Variants in COLEC11 observed in about 807,000 individuals in gnomAD.
COLEC11 encodes collectin-11.
In COLEC11, 20 loss-of-function variants were observed where a neutral mutation model predicts 27.3. The observed-to-expected ratio is 0.73, with a 90% CI of 0.51 to 1.06. The LOEUF (loss-of-function observed/expected upper bound fraction) is 1.06. COLEC11 is among the 50% of genes least tolerant of loss of function. The pLI is 0.00. For synonymous variants in COLEC11, 163 were observed against 154.7 expected (o/e 1.05, Z -0.40); for missense variants, 310 against 383.0 (o/e 0.81, Z 1.59).
chr2:3,629,415 A>C (rs1664805550), intron 3 of COLEC11, among the ~76,000 whole-genome samples: 1 of 152,338 alleles, frequency 6.6e-6, no homozygotes, highest in Non-Finnish European at 1.5e-5. Context: ...TGGGGTTCTC[A>C]GTTTAAGCCT....
intron 3 of COLEC11, among the ~76,000 whole-genome samples, chr2:3,615,130 A>AT (rs60824632): frequency 0.22 from 17,864 of 80,046 alleles, 2,158 homozygotes; most frequent in African/African-American, 0.38. Flanking sequence ...AAGGGATTTT[A>AT]TTTATTTATT....
intron 1 of COLEC11, among the ~76,000 whole-genome samples, chr2:3,595,369 C>G (rs867040779): frequency 6.6e-6 from 1 of 152,186 alleles, no homozygotes; most frequent in Non-Finnish European, 1.5e-5. Context: ...TAGTTCATGG[C>G]GGAAATTCGT....
intron 5 of COLEC11, 40 bp from the exon 6 acceptor site, chr2:3,643,404 C>T (rs770840267): frequency 6.6e-7 from 1 of 1,526,148 alleles, no homozygotes; most frequent in Non-Finnish European, 9.1e-7. Flanking sequence ...AGTCCGAGTC[C>T]TCATCCAGCG....
chr2:3,631,652 C>T (rs926132319), intron 3 of COLEC11, among the ~76,000 whole-genome samples: 3 of 152,168 alleles, frequency 2.0e-5, no homozygotes. Context: ...TATGCTTGGT[C>T]ACGGCTGACA....
chr2:3,620,405 C>T (rs1370766406), intron 3 of COLEC11, among the ~76,000 whole-genome samples: 3 of 151,934 alleles, frequency 2.0e-5, no homozygotes, highest in Non-Finnish European at 2.9e-5. Context: ...GTAATTTCTC[C>T]ATTGCATTTC....
rs758863458 is a variant in COLEC11 at position 3,644,013 on chromosome 2, C to T, written c.711C>T (p.Tyr237=). ...GCAGCGGTGAGCCCAACAATGCCTA[C>T]GACGAGGAGGACTGCGTGGAGATGG... is the stretch of plus-strand genomic sequence containing the variant. ...KWRSGEPNNA[Y]DEEDCVEMVA... is the part of the protein sequence containing the mutation. The change falls in exon 7 of 7, where the codon TAC becomes TAT. Residue 237 remains tyrosine (Y), a synonymous_variant. Transcript: ENST00000349077. 2.6e-5 allele frequency: 42 copies of T among 1,613,894 alleles called. No individual in the cohort carries two copies. Among genetic ancestry groups the T allele is most frequent in the Middle Eastern group, 1.6e-4 (1 of 6,084 alleles).
At chr2:3,636,392 T>C (rs1665419993) in intron 3 of COLEC11, among the ~76,000 whole-genome samples, 1 of 151,970 alleles carries the variant, frequency 6.6e-6, no homozygotes, top group Non-Finnish European at 1.5e-5. Flanking sequence ...GAGGTGGAGC[T>C]TGCAGTGAGC....
intron 3 of COLEC11, among the ~76,000 whole-genome samples, chr2:3,617,316 C>A (rs1404394646): frequency 2.6e-5 from 4 of 152,178 alleles, no homozygotes; most frequent in Non-Finnish European, 5.9e-5. Flanking sequence ...TCCCACCCCA[C>A]CTCTTCCTTC....
intron 3 of COLEC11, among the ~76,000 whole-genome samples, chr2:3,635,446 C>G (rs1016572486): frequency 6.6e-6 from 1 of 152,224 alleles, no homozygotes; most frequent in Admixed American, 6.5e-5. Context: ...ATCTCGCCGC[C>G]CTCTTCGCCA....
chr2:3,604,004 G>A, intron 1 of COLEC11: 1 of 568,950 alleles, frequency 1.8e-6, no homozygotes, highest in South Asian at 2.1e-5. Context: ...TCCACTCTGT[G>A]TAGGAATCGT....
intron 3 of COLEC11, among the ~76,000 whole-genome samples, chr2:3,631,594 G>A (rs559643054): frequency 2.0e-5 from 3 of 152,296 alleles, no homozygotes; most frequent in Non-Finnish European, 4.4e-5. Context: ...AAGGAGGGAC[G>A]GGAGGGTTTG....
chr2:3,601,204 C>T (rs1036871519), intron 1 of COLEC11, among the ~76,000 whole-genome samples: 2 of 152,150 alleles, frequency 1.3e-5, no homozygotes, highest in Non-Finnish European at 2.9e-5. Context: ...GTAGGGTCGC[C>T]GTGGACAGGG....
chr2:3,642,804 C>T (rs1272984208), intron 5 of COLEC11, among the ~76,000 whole-genome samples: 1 of 152,206 alleles, frequency 6.6e-6, no homozygotes, highest in African/African-American at 2.4e-5. Flanking sequence ...CACTTCCTCC[C>T]AGGCCTCACC....
At chr2:3,617,710 G>C in intron 3 of COLEC11, 1 of 1,581,446 alleles carries the variant, frequency 6.3e-7, no homozygotes, top group Non-Finnish European at 8.7e-7. Flanking sequence ...GGAGCGAGGC[G>C]TGCGAGAACG....
intron 3 of COLEC11, among the ~76,000 whole-genome samples, chr2:3,616,041 G>A (rs532268507): frequency 0.019 from 2,851 of 150,008 alleles, 106 homozygotes; most frequent in African/African-American, 0.065. Context: ...CACCTCTGAG[G>A]CGGGGCGGCC....
At chr2:3,596,859 C>T (rs1027487864) in intron 1 of COLEC11, among the ~76,000 whole-genome samples, 6 of 152,218 alleles carry the variant, frequency 3.9e-5, no homozygotes, top group Admixed American at 1.3e-4. Flanking sequence ...AGTCAGAGGG[C>T]GAGACCTCTG....
rs1662465370 is a variant in COLEC11 at position 3,604,344 on chromosome 2, A to C, written c.4A>C (p.Arg2=). 9 of 1,614,054 alleles carry C rather than the reference A, an allele frequency of 5.6e-6. No homozygotes were observed. In the East Asian group the frequency reaches 2.0e-4, roughly 36 times the overall value. The change falls in exon 2 of 7, where the codon AGG becomes CGG. Residue 2 remains arginine (R), a synonymous_variant. Coordinates refer to ENST00000349077, the MANE Select transcript of COLEC11 (RefSeq NM_024027.5). ...TGGTGTCCTGCCTGCGCTCAGGATG[A>C]GGGGGAATCTGGCCCTGGTGGGCGT... M[R]GNLALVGVLI...
At chr2:3,614,976 C>T (rs1169716469) in intron 3 of COLEC11, among the ~76,000 whole-genome samples, 1 of 152,126 alleles carries the variant, frequency 6.6e-6, no homozygotes, top group Non-Finnish European at 1.5e-5. Context: ...TATTTCCATT[C>T]AAGAATTCTA....
At position 3,627,664 on chromosome 2, in the gene COLEC11, G is replaced by A. The variant is rs191677004; in HGVS notation, c.203-9869G>A. ...ATCTGGGCATAATGACTCTGGGCAC[G>A]ATGACGCTGAGCACAGTGACGCTGG... On this transcript the variant is annotated intron_variant, in intron 3 of 6. Coordinates refer to ENST00000349077, the MANE Select transcript of COLEC11 (RefSeq NM_024027.5). Among the ~76,000 whole-genome samples the A allele has an allele frequency of 8.0e-5, 12 of 150,536 alleles. No individual in the cohort carries two copies. In the East Asian group the frequency reaches 2.2e-3, roughly 27 times the overall value.
Sources: gnomAD v4.1 joint callset for allele counts (sites outside exome capture counted in the v4.1 genomes callset) on GRCh38, gnomAD v4.1.1 for gene constraint, MANE v1.5 for transcripts, NCBI Gene and HGNC (gene_info 2026-07-23, HGNC 2026-07-21) for gene names.